Variants in ENPP2 observed in about 807,000 individuals in gnomAD.
ENPP2 encodes autotaxin.
In ENPP2, 51 loss-of-function variants were observed where a neutral mutation model predicts 120.2. The observed-to-expected ratio is 0.42, with a 90% confidence interval of 0.34 to 0.54. The LOEUF is 0.54. Ranked by LOEUF, ENPP2 falls within the 20% of genes least tolerant of loss-of-function variation. The probability of loss-of-function intolerance (pLI) is 0.04; values close to 1 mark genes in which losing one functional copy is unlikely to be tolerated. For synonymous variants in ENPP2, 365 were observed against 366.4 expected (o/e 1.00, Z 0.04); for missense variants, 920 against 1,066.5 (o/e 0.86, Z 1.91).
At position 119,569,406 on chromosome 8, in the gene ENPP2, GCT is replaced by G. The variant is rs1373389731; in HGVS notation, c.1918-38_1918-37del. ...GTCAGAGGCACTCAGCAATGCCGTGGCTCTGTTACGAACGGCTGAAATCAAAA... is the reference window on the plus strand; with the variant it reads ...GTCAGAGGCACTCAGCAATGCCGTGGCTGTTACGAACGGCTGAAATCAAAA... On this transcript the variant is annotated intron_variant, in intron 20 of 24. Coordinates refer to ENST00000075322, the MANE Select transcript of ENPP2 (RefSeq NM_001040092.3). The G allele has an allele frequency of 3.1e-6, 5 of 1,608,584 alleles. No homozygotes were observed. In the South Asian group the frequency reaches 5.5e-5, roughly 18 times the overall value.
chr8:119,585,398 T>C (rs985079720), intron 15 of ENPP2, among the ~76,000 whole-genome samples: 1 of 152,222 alleles, frequency 6.6e-6, no homozygotes, highest in South Asian at 2.1e-4. Context: ...TCTAAGTTCT[T>C]CTTAGAACTT....
At chr8:119,576,279 A>G (rs1812331833) in intron 19 of ENPP2, among the ~76,000 whole-genome samples, 1 of 152,192 alleles carries the variant, frequency 6.6e-6, no homozygotes, top group Non-Finnish European at 1.5e-5. Context: ...CTGGGATTAC[A>G]GGTGGATGCC....
At chr8:119,599,281 G>C (rs1587438327) in intron 11 of ENPP2, among the ~76,000 whole-genome samples, 1 of 152,170 alleles carries the variant, frequency 6.6e-6, no homozygotes, top group Admixed American at 6.5e-5. Flanking sequence ...TTAGTTACTA[G>C]TGCTTAAATA....
At chr8:119,560,488 A>C (rs1053717176) in intron 24 of ENPP2, among the ~76,000 whole-genome samples, 4 of 152,168 alleles carry the variant, frequency 2.6e-5, no homozygotes, top group African/African-American at 9.7e-5. Context: ...TTCAAGTATA[A>C]TATTGTTGTC....
intron 9 of ENPP2, among the ~76,000 whole-genome samples, chr8:119,605,657 G>A (rs1814671597): frequency 6.7e-6 from 1 of 149,190 alleles, no homozygotes; most frequent in African/African-American, 2.5e-5. Flanking sequence ...TAGGAGAGAC[G>A]AGGGTTCTCC....
At chr8:119,602,256 G>A (rs766713486) in intron 9 of ENPP2, among the ~76,000 whole-genome samples, 3 of 151,982 alleles carry the variant, frequency 2.0e-5, no homozygotes, top group African/African-American at 4.8e-5. Flanking sequence ...TCAGGAGTTC[G>A]AGACCAGCCT....
rs193278694 is a variant in ENPP2, at chr8:119,657,797, C to T, written c.21+15455G>A. On this transcript the variant is annotated intron_variant, in intron 1 of 25. Transcript: ENST00000427067. ...TTCAATGAGAGCTGTCATCCTATGG[C>T]GTGAAGGGGTCATTGTGATGAATTG... Among the ~76,000 whole-genome samples the T allele has an allele frequency of 4.6e-5, 7 of 152,282 alleles. No individual in the cohort carries two copies. The East Asian group carries it at 9.7e-4, about 21-fold the overall frequency.
intron 18 of ENPP2, chr8:119,580,697 A>G (rs1812669205): frequency 6.6e-6 from 1 of 152,608 alleles, no homozygotes; most frequent in Non-Finnish European, 1.5e-5. Flanking sequence ...TGTAAGAGCT[A>G]ACATTTGCAA....
intron 11 of ENPP2, among the ~76,000 whole-genome samples, chr8:119,595,444 C>T (rs929033629): frequency 1.3e-5 from 2 of 152,144 alleles, no homozygotes; most frequent in African/African-American, 4.8e-5. Flanking sequence ...GACCCCTAAT[C>T]TAAGCCAACT....
At chr8:119,656,536 C>T (rs1351535402) in intron 1 of ENPP2, among the ~76,000 whole-genome samples, 15 of 152,172 alleles carry the variant, frequency 9.9e-5, no homozygotes, top group Non-Finnish European at 1.5e-4. Context: ...CTTATTTAAA[C>T]AGCAGCATAC....
At chr8:119,660,520 A>T (rs1817890285) in intron 1 of ENPP2, among the ~76,000 whole-genome samples, 1 of 152,204 alleles carries the variant, frequency 6.6e-6, no homozygotes, top group African/African-American at 2.4e-5. Flanking sequence ...CCCTTTGTTT[A>T]TCAATTTAGG....
intron 19 of ENPP2, among the ~76,000 whole-genome samples, chr8:119,576,563 C>A (rs1304258207): frequency 2.0e-5 from 3 of 152,034 alleles, no homozygotes; most frequent in African/African-American, 7.2e-5. Flanking sequence ...GAGGGCTAAC[C>A]TAAGAAAATA....
Position 119,626,566 on chromosome 8 carries a change from T to C in ENPP2, c.291A>G (p.Thr97=), listed in dbSNP as rs749541517. The change falls in exon 3 of 25, where the codon ACA becomes ACG. Residue 97 remains threonine, a splice_region_variant and synonymous_variant. Transcript: ENST00000075322. ...AGAGAGGACTCATAAGTTACGTACC[T>C]GTCTTCAAACACAGCTCATCAAAGT... The part of the protein sequence containing the change: ...CHDFDELCLK[T]ARGWECTKDR... The C allele has an allele frequency of 6.2e-7, 1 of 1,613,586 alleles. No individual in the cohort carries two copies. Among genetic ancestry groups the C allele is most frequent in the Non-Finnish European group, 8.5e-7 (1 of 1,179,518 alleles).
At position 119,670,769 on chromosome 8, in the gene ENPP2, A is replaced by G. The variant is rs374069864; in HGVS notation, c.21+2483T>C. Among the ~76,000 whole-genome samples the G allele has an allele frequency of 1.1e-4, 17 of 152,356 alleles. No individual in the cohort carries two copies. In the South Asian group the frequency reaches 3.5e-3, roughly 32 times the overall value. On this transcript the variant is annotated intron_variant, in intron 1 of 25. Transcript: ENST00000427067. The stretch of plus-strand genomic sequence containing the variant: ...ATTTAATAAATAGTTTAACACGCCT[A>G]AATTCATATATGATATGGACAAAAT...
At chr8:119,640,753 A>G (rs1817258063), upstream of ENPP2, among the ~76,000 whole-genome samples, 2 of 151,688 alleles carry the variant, frequency 1.3e-5, no homozygotes, top group South Asian at 4.2e-4. Flanking sequence ...TTGTTTGTTT[A>G]TTTGTTTATT....
chr8:119,657,499 C>T (rs1158547752), intron 1 of ENPP2, among the ~76,000 whole-genome samples: 8 of 152,194 alleles, frequency 5.3e-5, no homozygotes, highest in South Asian at 2.1e-4. Context: ...CTTTGTATGT[C>T]GAAGTCTGCC....
At chr8:119,651,320 G>C (rs958772255) in intron 1 of ENPP2, among the ~76,000 whole-genome samples, 5 of 152,222 alleles carry the variant, frequency 3.3e-5, no homozygotes, top group African/African-American at 4.8e-5. Flanking sequence ...ATTCTTTTAA[G>C]TGGTAGCTAG....
intron 24 of ENPP2, among the ~76,000 whole-genome samples, chr8:119,559,598 C>T (rs1191826646): frequency 2.6e-5 from 4 of 152,136 alleles, no homozygotes; most frequent in East Asian, 1.9e-4. Context: ...CCTTGATGTT[C>T]GCTGGCAATC....
At chr8:119,622,041 G>A (rs745821577) in intron 3 of ENPP2, among the ~76,000 whole-genome samples, 4 of 152,096 alleles carry the variant, frequency 2.6e-5, no homozygotes, top group Non-Finnish European at 5.9e-5. Flanking sequence ...CGATTATCCC[G>A]CCTCAGCCTC....
Sources: allele counts gnomAD v4.1 joint callset (sites outside exome capture counted in the v4.1 genomes callset), GRCh38; gene constraint gnomAD v4.1.1; transcripts MANE v1.5; gene names NCBI Gene and HGNC (gene_info 2026-07-23, HGNC 2026-07-21).